CNPY4: variants seen among roughly 807,000 people sequenced by gnomAD.
CNPY4 encodes protein canopy homolog 4.
CNPY4 carries 33 observed loss-of-function variants against 30.1 expected under a neutral mutation model. That is an observed-to-expected ratio of 1.10 (90% CI 0.83 to 1.46). CNPY4 has a LOEUF of 1.46. Ranked by LOEUF, CNPY4 falls within the 40% of genes most tolerant of loss-of-function variation. The pLI, the probability that CNPY4 is intolerant of heterozygous loss-of-function variation, is 0.00. For synonymous variants in CNPY4, 109 were observed against 110.1 expected, an observed-to-expected ratio of 0.99 and a Z score of 0.06; for missense variants, 324 against 302.6, an observed-to-expected ratio of 1.07 and a Z score of -0.52.
rs1258390056 is a variant in CNPY4 at position 100,124,778 on chromosome 7, A to G, written c.637A>G (p.Thr213Ala). The G allele has an allele frequency of 6.2e-7, 1 of 1,613,734 alleles. No individual in the cohort carries two copies. The highest frequency in any genetic ancestry group is 1.7e-5 in the Admixed American group (1 of 59,978). The part of the protein sequence containing the change: ...GKEITDGEEK[T>A]EGEEEQEEEE... ...GGAGATCACAGATGGGGAAGAGAAA[A>G]CAGAAGGGGAGGAAGAGCAGGAGGA... Residue 213 changes from threonine (T) to alanine (A), a missense_variant, in exon 6 of 6, where the codon ACA becomes GCA. Coordinates refer to ENST00000262932, the MANE Select transcript of CNPY4 (RefSeq NM_152755.2).
At chr7:100,119,918 G>A in intron 1 of CNPY4, 56 bp downstream of exon 1, 1 of 1,497,914 alleles carries the variant, frequency 6.7e-7, no homozygotes, top group East Asian at 2.3e-5. Flanking sequence ...CCTTCTTCTA[G>A]GCCGGACATC....
Position 100,124,768 on chromosome 7 carries a change from GGAAGA to G in CNPY4, c.631_635del (p.Glu211AsnfsTer32). On this transcript the variant is annotated frameshift_variant, in exon 6 of 6. Coordinates refer to ENST00000262932, the MANE Select transcript of CNPY4 (RefSeq NM_152755.2). LOFTEE classifies it low-confidence loss of function (END_TRUNC). ...GGACTGGAAAGGAGATCACAGATGG[GGAAGA>G]GAAAACAGAAGGGGAGGAAGAGCAG... 1 of 1,613,882 alleles carries G rather than the reference GGAAGA, an allele frequency of 6.2e-7. No homozygotes were observed. Among genetic ancestry groups the G allele is most frequent in the East Asian group, 2.2e-5 (1 of 44,880 alleles).
At chr7:100,123,678 G>A (rs1410358322) in intron 4 of CNPY4, among the ~76,000 whole-genome samples, 2 of 151,860 alleles carry the variant, frequency 1.3e-5, no homozygotes, top group Non-Finnish European at 2.9e-5. Flanking sequence ...CTGCCACCAC[G>A]CCCAGCTAAT....
rs1233007187 is a variant in CNPY4 at position 100,122,863 on chromosome 7, T to C, written c.422T>C (p.Leu141Pro). ...VKVDLGIPLE[L>P]WDEPSVEVTY... ...GTGGATCTGGGGATCCCTCTGGAGC[T>C]TTGGGATGAGCCCAGCGTGGAGGTC... Residue 141 changes from leucine to proline, a missense_variant, in exon 4 of 6, where the codon CTT becomes CCT. By Grantham distance (98) the Leu-to-Pro change is moderately conservative (BLOSUM62 -3). Coordinates refer to ENST00000262932, the MANE Select transcript of CNPY4 (RefSeq NM_152755.2). 3 of 1,613,690 alleles carry C rather than the reference T, an allele frequency of 1.9e-6. No homozygotes were observed. Among genetic ancestry groups the C allele is most frequent in the Non-Finnish European group, 2.5e-6 (3 of 1,179,974 alleles).
chr7:100,121,110 A>ATTTTTTTTTTTTTTTTTTT (rs1798036782), intron 1 of CNPY4: 1 of 28,376 alleles, frequency 3.5e-5, no homozygotes, highest in Non-Finnish European at 6.9e-5. Context: ...ATATATATAT[A>ATTTTTTTTTTTTTTTTTTT]TATATATTTT....
Position 100,124,813 on chromosome 7 carries a change from A to G in CNPY4, c.672A>G (p.Glu224=), listed in dbSNP as rs996489937. ...EGEEEQEEEE[E]EEEEEGGDKM... Reference sequence around the variant, plus strand: ...AGGAAGAGCAGGAGGAGGAGGAGGAAGAGGAGGAAGAGGAAGGGGGAGACA... The same window carrying G: ...AGGAAGAGCAGGAGGAGGAGGAGGAGGAGGAGGAAGAGGAAGGGGGAGACA... Residue 224 remains glutamate, a synonymous_variant, in exon 6 of 6, where the codon GAA becomes GAG. Transcript: ENST00000262932. The G allele has an allele frequency of 2.4e-5, 38 of 1,611,668 alleles. No individual in the cohort carries two copies. The highest frequency in any genetic ancestry group is 3.1e-5 in the Non-Finnish European group (37 of 1,178,844).
chr7:100,123,494 C>T (rs1798126513), intron 4 of CNPY4, among the ~76,000 whole-genome samples: 1 of 152,098 alleles, frequency 6.6e-6, no homozygotes, highest in Non-Finnish European at 1.5e-5. Flanking sequence ...ATAAGAGACC[C>T]CCTTCTCTAC....
chr7:100,122,423 C>A (rs771172138), intron 2 of CNPY4, 38 bp downstream of exon 2: 2 of 1,614,066 alleles, frequency 1.2e-6, no homozygotes, highest in African/African-American at 1.3e-5. Context: ...CAACCCCCAA[C>A]GGAGCCCTGG....
At chr7:100,120,006 TG>T (rs1162319618) in intron 1 of CNPY4, 144 bp downstream of exon 1, 8 of 693,038 alleles carry the variant, frequency 1.2e-5, no homozygotes, top group Non-Finnish European at 1.8e-5. Flanking sequence ...TGAATTTGGA[TG>T]GGGTCAAGGA....
intron 1 of CNPY4, among the ~76,000 whole-genome samples, chr7:100,121,861 T>C (rs976376915): frequency 1.1e-4 from 16 of 149,644 alleles, no homozygotes; most frequent in African/African-American, 2.5e-4. Flanking sequence ...CCATCCTGGC[T>C]AACACGGTGA....
At chr7:100,119,933 C>G (rs974582202) in intron 1 of CNPY4, 71 bp downstream of exon 1, 1 of 1,423,270 alleles carries the variant, frequency 7.0e-7, no homozygotes, top group Non-Finnish European at 9.5e-7. Context: ...GACATCCTAG[C>G]CTGTATTGGG....
rs994150651 is a variant in CNPY4 at position 100,123,019 on chromosome 7, A to C, written c.465+113A>C. 1.0e-5 allele frequency: 12 copies of C among 1,193,424 alleles called. No individual in the cohort carries two copies. In the Admixed American group the frequency reaches 1.1e-4, roughly 11 times the overall value. 73.9% of individuals were successfully genotyped at this position (1,193,424 alleles called of 1,614,324 possible). A position where few individuals can be genotyped will look rare whatever the true frequency, so the allele number is the denominator to read the frequency against. On this transcript the variant is annotated intron_variant, in intron 4 of 5. Transcript: ENST00000262932. Reference sequence around the variant, plus strand: ...TACCCCTAAGCATGGGGAAGGGGCCAGAGTGAGGACTGTGCCATTGATTAA... The same window carrying C: ...TACCCCTAAGCATGGGGAAGGGGCCCGAGTGAGGACTGTGCCATTGATTAA...
chr7:100,120,452 C>G (rs1178266381), intron 1 of CNPY4: 2 of 152,286 alleles, frequency 1.3e-5, no homozygotes, highest in East Asian at 3.8e-4. Context: ...GCTGCACTAG[C>G]GTGGGGCCCA....
intron 1 of CNPY4, among the ~76,000 whole-genome samples, chr7:100,120,683 A>G (rs931610172): frequency 1.3e-5 from 2 of 152,100 alleles, no homozygotes; most frequent in African/African-American, 4.8e-5. Flanking sequence ...AACAGACTTA[A>G]TCACCTAATT....
At chr7:100,123,619 C>T (rs1798130412) in intron 4 of CNPY4, among the ~76,000 whole-genome samples, 1 of 152,052 alleles carries the variant, frequency 6.6e-6, no homozygotes, top group Admixed American at 6.6e-5. Context: ...CTCCCGGGTT[C>T]AAGCCATTCT....
chr7:100,121,116 A>ATTTTTTT (rs1163501525), intron 1 of CNPY4: 4 of 52,778 alleles, frequency 7.6e-5, no homozygotes, highest in African/African-American at 2.9e-4. Context: ...ATATATATAT[A>ATTTTTTT]TTTTTTTTTT....
At chr7:100,122,733 G>T in intron 3 of CNPY4, 51 bp from the exon 4 acceptor site, 1 of 1,583,324 alleles carries the variant, frequency 6.3e-7, no homozygotes, top group South Asian at 1.1e-5. Context: ...GAAAGGGGAA[G>T]GGAGGGGTGG....
rs1797963254 is a variant in CNPY4 at position 100,119,660 on chromosome 7, G to T, written c.-85G>T. 1 of 1,610,794 alleles carries T rather than the reference G, an allele frequency of 6.2e-7. No homozygotes were observed. ...TTCCTCGGCTGGATTTAAGGTTGCC[G>T]CTAGCCGCCTGGGAATTTAAGGGAC... On this transcript the variant is annotated 5_prime_UTR_variant, in exon 1 of 6. Coordinates refer to ENST00000262932, the MANE Select transcript of CNPY4 (RefSeq NM_152755.2).
intron 4 of CNPY4, among the ~76,000 whole-genome samples, chr7:100,124,072 G>C (rs1179815565): frequency 6.6e-6 from 1 of 151,784 alleles, no homozygotes; most frequent in African/African-American, 2.4e-5. Flanking sequence ...GGGAGGCGGA[G>C]GTTGCAGTGA....
Sources: allele counts gnomAD v4.1 joint callset (sites outside exome capture counted in the v4.1 genomes callset), GRCh38; gene constraint gnomAD v4.1.1; transcripts MANE v1.5; gene names NCBI Gene and HGNC (gene_info 2026-07-23, HGNC 2026-07-21).